Variants in CDH12 observed in about 807,000 individuals in gnomAD.
CDH12 encodes cadherin 12.
Under a neutral mutation model 74.1 loss-of-function variants are expected in CDH12, and 41 were observed. That is an observed-to-expected ratio of 0.55 (90% confidence interval 0.43 to 0.72). The LOEUF is 0.72. CDH12 is among the 30% of genes least tolerant of loss of function. The pLI is 0.00. For missense variants in CDH12, 945 were observed against 977.2 expected (o/e 0.97, Z 0.44); for synonymous variants, 399 against 355.0 (o/e 1.12, Z -1.39).
At chr5:21,984,918 T>G (rs1160864430) in intron 5 of CDH12, among the ~76,000 whole-genome samples, 3 of 152,146 alleles carry the variant, frequency 2.0e-5, no homozygotes, top group Non-Finnish European at 4.4e-5. Flanking sequence ...AGCACCAGTT[T>G]TCTGAAAATA....
At chr5:22,046,038 A>T (rs966865861) in intron 5 of CDH12, among the ~76,000 whole-genome samples, 22 of 152,192 alleles carry the variant, frequency 1.4e-4, no homozygotes, top group African/African-American at 5.1e-4. Flanking sequence ...ATAAAATAAA[A>T]CTTAGAAGTA....
At chr5:22,424,873 A>G (rs1145539) in intron 2 of CDH12, among the ~76,000 whole-genome samples, 142,499 of 151,684 alleles carry the variant, frequency 0.94, 67,045 homozygotes, top group African/African-American at 0.98. Context: ...TTAGAAATAA[A>G]GAATAAATAA....
At chr5:21,815,955 C>A (rs1748016558) in intron 9 of CDH12, among the ~76,000 whole-genome samples, 1 of 152,126 alleles carries the variant, frequency 6.6e-6, no homozygotes, top group African/African-American at 2.4e-5. Flanking sequence ...ATGATGTCAT[C>A]AAATTATCAG....
intron 3 of CDH12, among the ~76,000 whole-genome samples, chr5:22,291,012 A>T (rs189227764): frequency 1.4e-4 from 22 of 152,292 alleles, no homozygotes; most frequent in Non-Finnish European, 2.8e-4. Flanking sequence ...TTTTACAAAT[A>T]ATTTATGATG....
At chr5:22,483,770 A>ATATATAT (rs1400461763) in intron 2 of CDH12, among the ~76,000 whole-genome samples, 87 of 100,936 alleles carry the variant, frequency 8.6e-4, no homozygotes, top group African/African-American at 1.0e-3. Context: ...ATATAAATTT[A>ATATATAT]ATTAATTGGG....
At chr5:21,959,538 C>T (rs1325279448) in intron 6 of CDH12, among the ~76,000 whole-genome samples, 4 of 151,994 alleles carry the variant, frequency 2.6e-5, no homozygotes, top group African/African-American at 9.7e-5. Flanking sequence ...ATCTACCAAG[C>T]ATGTAGAAAA....
intron 1 of CDH12, among the ~76,000 whole-genome samples, chr5:22,845,363 CT>C (rs1737253912): frequency 6.6e-6 from 1 of 152,082 alleles, no homozygotes; most frequent in South Asian, 2.1e-4. Flanking sequence ...ACACCCCTCC[CT>C]CAAGATATCC....
intron 4 of CDH12, among the ~76,000 whole-genome samples, chr5:22,080,225 A>C (rs2150227270): frequency 6.6e-6 from 1 of 152,328 alleles, no homozygotes; most frequent in African/African-American, 2.4e-5. Flanking sequence ...TCAACTAGTC[A>C]GCTGCAGTTC....
At chr5:22,849,883 G>C (rs1737469370) in intron 1 of CDH12, among the ~76,000 whole-genome samples, 2 of 151,968 alleles carry the variant, frequency 1.3e-5, no homozygotes. Flanking sequence ...AATACCTGAA[G>C]CATAATGAAG....
chr5:21,945,246 G>A (rs1282804977), intron 6 of CDH12, among the ~76,000 whole-genome samples: 19 of 151,470 alleles, frequency 1.3e-4, no homozygotes, highest in East Asian at 3.9e-4. Flanking sequence ...CCAACATGGC[G>A]AAACCCCGCC....
chr5:21,899,194 C>T (rs1335357720), intron 6 of CDH12, among the ~76,000 whole-genome samples: 1 of 152,174 alleles, frequency 6.6e-6, no homozygotes, highest in Non-Finnish European at 1.5e-5. Flanking sequence ...ATTTTCTTCT[C>T]TCTGATGCTT....
chr5:22,146,303 T>G (rs968964558), intron 4 of CDH12, among the ~76,000 whole-genome samples: 3 of 152,024 alleles, frequency 2.0e-5, no homozygotes, highest in Non-Finnish European at 4.4e-5. Flanking sequence ...TAACATGGCC[T>G]TAAAAAAGGT....
intron 5 of CDH12, among the ~76,000 whole-genome samples, chr5:22,005,379 T>C (rs896703256): frequency 6.6e-6 from 1 of 152,172 alleles, no homozygotes; most frequent in East Asian, 1.9e-4. Context: ...CAGTCATCCA[T>C]TGATGGGCAC....
chr5:21,786,494 C>T (rs1456039531), intron 10 of CDH12, among the ~76,000 whole-genome samples: 3 of 150,640 alleles, frequency 2.0e-5, no homozygotes, highest in African/African-American at 4.9e-5. Flanking sequence ...ACCCACAGCT[C>T]AGGAAAAAAA....
At chr5:22,125,249 C>T (rs1745782559) in intron 4 of CDH12, among the ~76,000 whole-genome samples, 1 of 151,990 alleles carries the variant, frequency 6.6e-6, no homozygotes, top group Non-Finnish European at 1.5e-5. Flanking sequence ...TCCTAATGCT[C>T]TCCCTCCCCT....
At chr5:22,669,777 T>C (rs1466909457) in intron 1 of CDH12, among the ~76,000 whole-genome samples, 1 of 152,220 alleles carries the variant, frequency 6.6e-6, no homozygotes, top group East Asian at 1.9e-4. Context: ...AATTTCTGCT[T>C]ATATGAGCAA....
chr5:21,860,313 T>C (rs371797417), intron 6 of CDH12, among the ~76,000 whole-genome samples: 6 of 152,044 alleles, frequency 3.9e-5, no homozygotes, highest in African/African-American at 1.4e-4. Context: ...TAAGGATTAG[T>C]GTGCTTCGGG....
intron 1 of CDH12, among the ~76,000 whole-genome samples, chr5:22,603,575 T>C (rs1356001701): frequency 6.6e-6 from 1 of 151,694 alleles, no homozygotes; most frequent in Non-Finnish European, 1.5e-5. Flanking sequence ...TGAGAAACAA[T>C]AAGAAGTGAG....
chr5:22,045,130 A>G lies in CDH12; in HGVS notation c.231+33316T>C, dbSNP rs187696934. ...AATATTCCAATTACAAAATTGGTAA[A>G]TGGTCTGAACAGTTATTTTTTAAAA... On this transcript the variant is annotated intron_variant, in intron 5 of 14. Transcript: ENST00000382254. 3.9e-5 allele frequency among the ~76,000 whole-genome samples: 6 copies of G among 152,338 alleles called. No individual in the cohort carries two copies. The East Asian group carries it at 1.2e-3, about 29-fold the overall frequency.
Sources: gnomAD v4.1 joint callset for allele counts (sites outside exome capture counted in the v4.1 genomes callset) on GRCh38, gnomAD v4.1.1 for gene constraint, MANE v1.5 for transcripts, NCBI Gene and HGNC (gene_info 2026-07-23, HGNC 2026-07-21) for gene names.